Variants in CCDC47 observed in about 807,000 individuals in gnomAD.
The protein encoded by CCDC47 is PAT complex subunit CCDC47.
Under a neutral mutation model 60.5 loss-of-function variants are expected in CCDC47, and 41 were observed. The observed-to-expected ratio is 0.68, with a 90% CI of 0.53 to 0.88. The LOEUF (loss-of-function observed/expected upper bound fraction) is 0.88, where lower values mean the gene tolerates loss of function less well. Ranked by LOEUF, CCDC47 falls within the 40% of genes least tolerant of loss-of-function variation. CCDC47 has a pLI of 0.00. For synonymous variants in CCDC47, 195 were observed against 190.7 expected (o/e 1.02, Z -0.18); for missense variants, 513 against 580.9 (o/e 0.88, Z 1.20).
At chr17:63,751,850 T>C (rs2039168154) in intron 12 of CCDC47, 90 bp downstream of exon 12, 1 of 1,399,392 alleles carries the variant, frequency 7.1e-7, no homozygotes, top group African/African-American at 1.4e-5. Flanking sequence ...GCTAAACTTT[T>C]AGCCTACAAA....
At chr17:63,749,454 A>G (rs1260245814) in intron 12 of CCDC47, among the ~76,000 whole-genome samples, 2 of 62,488 alleles carry the variant, frequency 3.2e-5, no homozygotes, top group South Asian at 3.6e-4. Flanking sequence ...CAGAATAAGG[A>G]AAAAAAAAAA....
At chr17:63,764,303 G>T (rs1181178017) in intron 3 of CCDC47, 113 bp from the exon 4 acceptor site, 1 of 765,978 alleles carries the variant, frequency 1.3e-6, no homozygotes, top group Non-Finnish European at 2.1e-6. Context: ...TCAGATATCT[G>T]TCATTGAATA....
rs2039294465 is a variant in CCDC47 at position 63,765,945 on chromosome 17, G to A, written c.231C>T (p.Asn77=). 2 of 1,613,566 alleles carry A rather than the reference G, an allele frequency of 1.2e-6. No homozygotes were observed. The highest frequency in any genetic ancestry group is 2.2e-5 in the East Asian group (1 of 44,854). Residue 77 remains asparagine (N), a synonymous_variant, in exon 2 of 13, where the codon AAC becomes AAT. Coordinates refer to ENST00000225726, the MANE Select transcript of CCDC47 (RefSeq NM_020198.3). ...TTVELEGQDE[N]QEGDFEDADT... is the part of the protein sequence containing the mutation. ...CTGCATCTTCAAAATCTCCTTCTTGGTTTTCATCCTGCCCTTCCAACTCCA... is the reference window on the plus strand; with the variant it reads ...CTGCATCTTCAAAATCTCCTTCTTGATTTTCATCCTGCCCTTCCAACTCCA...
At chr17:63,761,560 G>A (rs1310458870) in intron 4 of CCDC47, 1 of 357,134 alleles carries the variant, frequency 2.8e-6, no homozygotes, top group East Asian at 5.9e-5. Flanking sequence ...AGCCGGGCAT[G>A]GTGGCGCGTA....
chr17:63,754,413 C>G lies in CCDC47; in HGVS notation c.1034+20G>C. ...AGCTAGTGAGGAAAATTAATTTCAACAATTTTATCTTATACGTACTCTTGC... is the reference window on the plus strand; with the variant it reads ...AGCTAGTGAGGAAAATTAATTTCAAGAATTTTATCTTATACGTACTCTTGC... On this transcript the variant is annotated intron_variant, in intron 9 of 12. Coordinates refer to ENST00000225726, the MANE Select transcript of CCDC47 (RefSeq NM_020198.3). 6.8e-7 allele frequency: 1 copy of G among 1,463,446 alleles called. No individual in the cohort carries two copies. Among genetic ancestry groups the G allele is most frequent in the Non-Finnish European group, 9.5e-7 (1 of 1,048,472 alleles). The allele number at this position is 1,463,446 out of a possible 1,614,324, so 90.7% of individuals were successfully genotyped here. A position where few individuals can be genotyped will look rare whatever the true frequency, so the allele number is the denominator to read the frequency against.
rs2039124349 is a variant in CCDC47, at chr17:63,746,899, G to T, written c.1434C>A (p.Ile478=). 5.0e-6 allele frequency: 8 copies of T among 1,613,420 alleles called. No individual in the cohort carries two copies. Among genetic ancestry groups the T allele is most frequent in the Non-Finnish European group, 6.8e-6 (8 of 1,179,692 alleles). ...LEKKQMKMKQ[I]KVKAM ...GATGGCTTTACATGGCTTTCACTTT[G>T]ATTTGTTTCATTTTCATTTGCTTCT... Residue 478 remains isoleucine (I), a synonymous_variant, in exon 13 of 13, where the codon ATC becomes ATA. Coordinates refer to ENST00000225726, the MANE Select transcript of CCDC47 (RefSeq NM_020198.3).
At chr17:63,750,290 A>G (rs925235298) in intron 12 of CCDC47, among the ~76,000 whole-genome samples, 11 of 152,202 alleles carry the variant, frequency 7.2e-5, no homozygotes, top group Admixed American at 2.6e-4. Flanking sequence ...ATAAAAAGCC[A>G]TATTTATTTA....
At chr17:63,749,688 G>A (rs1386239565) in intron 12 of CCDC47, among the ~76,000 whole-genome samples, 1 of 151,980 alleles carries the variant, frequency 6.6e-6, no homozygotes, top group Non-Finnish European at 1.5e-5. Flanking sequence ...GGTGGAGGCT[G>A]CAGCGAGCTG....
intron 4 of CCDC47, chr17:63,761,855 T>C: frequency 4.2e-6 from 4 of 953,390 alleles, no homozygotes; most frequent in Non-Finnish European, 5.0e-6. Flanking sequence ...TTAAAACTAT[T>C]GTCTGTATTA....
intron 12 of CCDC47, 24 bp from the exon 13 acceptor site, chr17:63,746,985 TAGAG>T (rs2039125146): frequency 1.9e-6 from 3 of 1,611,686 alleles, no homozygotes; most frequent in Admixed American, 1.7e-5. Flanking sequence ...GGGTAATAAA[TAGAG>T]AAAGGGAGTG....
chr17:63,754,282 T>G, intron 9 of CCDC47, 151 bp downstream of exon 9: 1 of 637,222 alleles, frequency 1.6e-6, no homozygotes, highest in South Asian at 1.8e-5. Flanking sequence ...CCTCTTATGA[T>G]GCATGCAGTC....
rs146769873 is a variant in CCDC47, at chr17:63,756,301, G to A, written c.887C>T (p.Pro296Leu). ...KPKSGAKYGLPDSLAILSEMG... is the reference protein window; with the variant it reads ...KPKSGAKYGLLDSLAILSEMG... ...CTCTGACAGGATGGCCAAAGAGTCC[G>A]GCAGTCCATACTTTGCTCCAGACTT... Residue 296 changes from proline to leucine, a missense_variant, in exon 8 of 13, where the codon CCG becomes CTG. Transcript: ENST00000225726. 6.1e-5 allele frequency: 99 copies of A among 1,613,960 alleles called. 1 individual carries two copies. Among genetic ancestry groups the A allele is most frequent in the Middle Eastern group, 3.3e-4 (2 of 6,084 alleles).
intron 12 of CCDC47, among the ~76,000 whole-genome samples, chr17:63,749,229 A>C (rs749779440): frequency 6.6e-6 from 1 of 150,678 alleles, no homozygotes; most frequent in Non-Finnish European, 1.5e-5. Context: ...CAACATGGTG[A>C]AACCCCATTT....
intron 1 of CCDC47, among the ~76,000 whole-genome samples, chr17:63,769,625 AAAAG>A (rs2039322169): frequency 3.3e-5 from 5 of 150,874 alleles, no homozygotes; most frequent in African/African-American, 1.2e-4. Context: ...AAAAAAAAAA[AAAAG>A]AAAAGAAAAG....
At chr17:63,759,166 G>A (rs538025367) in intron 6 of CCDC47, among the ~76,000 whole-genome samples, 5 of 151,928 alleles carry the variant, frequency 3.3e-5, no homozygotes, top group African/African-American at 1.2e-4. Flanking sequence ...TAAAAATACA[G>A]GTTTACAAGT....
intron 6 of CCDC47, among the ~76,000 whole-genome samples, chr17:63,757,115 C>G (rs1008090047): frequency 5.4e-5 from 8 of 149,338 alleles, no homozygotes; most frequent in Non-Finnish European, 1.2e-4. Flanking sequence ...AATCCTAGCA[C>G]TTTAGGAGGC....
chr17:63,752,685 T>TC (rs1374548854), intron 10 of CCDC47, 56 bp downstream of exon 10: 26 of 1,527,754 alleles, frequency 1.7e-5, no homozygotes, highest in Non-Finnish European at 2.1e-5. Context: ...AACAATACTC[T>TC]CCTTAAGGTC....
chr17:63,758,655 G>C (rs192715302), intron 6 of CCDC47, among the ~76,000 whole-genome samples: 3 of 152,214 alleles, frequency 2.0e-5, no homozygotes, highest in African/African-American at 4.8e-5. Context: ...ACAGTTACTA[G>C]TACTCTGGGC....
Position 63,756,183 on chromosome 17 carries a change from G to C in CCDC47, c.948+57C>G, listed in dbSNP as rs890079164. ...TGAACTTGTACAATGAGACTTTTAG[G>C]GAGAGTGTCCTGTAAATGCCAAGGC... On this transcript the variant is annotated intron_variant, in intron 8 of 12. Coordinates refer to ENST00000225726, the MANE Select transcript of CCDC47 (RefSeq NM_020198.3). 20 of 1,126,010 alleles carry C rather than the reference G, an allele frequency of 1.8e-5. No individual in the cohort carries two copies. In the African/African-American group the frequency reaches 3.1e-4, roughly 17 times the overall value. The allele number at this position is 1,126,010 out of a possible 1,614,324, so 69.8% of individuals were successfully genotyped here.
Sources: allele counts gnomAD v4.1 joint callset (sites outside exome capture counted in the v4.1 genomes callset), GRCh38; gene constraint gnomAD v4.1.1; transcripts MANE v1.5; gene names NCBI Gene and HGNC (gene_info 2026-07-23, HGNC 2026-07-21).